Variants in ROBO2 observed in about 807,000 individuals in gnomAD.
ROBO2 encodes roundabout guidance receptor 2.
ROBO2 carries 53 observed loss-of-function variants against 160.8 expected under a neutral mutation model. The ratio of observed to expected loss-of-function variants is 0.33; its 90% CI spans 0.26 to 0.41. The LOEUF is 0.41. Ranked by LOEUF, ROBO2 falls within the 10% of genes least tolerant of loss-of-function variation. ROBO2 has a pLI of 1.00. For synonymous variants in ROBO2, 664 were observed against 611.7 expected (o/e 1.09, Z -1.26); for missense variants, 1,577 against 1,722.4 (o/e 0.92, Z 1.49).
chr3:76,286,702 G>A (rs1241841933), intron 2 of ROBO2, among the ~76,000 whole-genome samples: 1 of 152,126 alleles, frequency 6.6e-6, no homozygotes, highest in African/African-American at 2.4e-5. Context: ...GTTTTGGAAA[G>A]GTGCTGTAAA....
At chr3:76,858,734 A>G (rs544436725) in intron 2 of ROBO2, among the ~76,000 whole-genome samples, 53 of 152,346 alleles carry the variant, frequency 3.5e-4, no homozygotes, top group African/African-American at 1.2e-3. Context: ...AAATGATACA[A>G]TGCAAACAAT....
intron 2 of ROBO2, among the ~76,000 whole-genome samples, chr3:76,762,485 A>G (rs2061363012): frequency 6.6e-6 from 1 of 150,382 alleles, no homozygotes; most frequent in Non-Finnish European, 1.5e-5. Flanking sequence ...TGTTTCTGAG[A>G]AGCAAGTAAC....
At position 77,295,496 on chromosome 3, in the gene ROBO2, A is replaced by G. The variant is rs879746195; in HGVS notation, c.389-181918A>G. On this transcript the variant is annotated intron_variant, in intron 2 of 25. Coordinates refer to ENST00000461745, the Ensembl canonical transcript of ROBO2. ...TAAATGGGTAAGCTGAGGCTAGATC[A>G]CCCCAGACATAAAGTAAATTGACGG... Among the ~76,000 whole-genome samples, 132 of 150,724 alleles carry G rather than the reference A, an allele frequency of 8.8e-4. 1 individual carries two copies. The highest frequency in any genetic ancestry group is 1.4e-3 in the Non-Finnish European group (92 of 67,784).
intron 2 of ROBO2, among the ~76,000 whole-genome samples, chr3:77,177,298 C>T (rs534688313): frequency 6.6e-6 from 1 of 152,032 alleles, no homozygotes; most frequent in Non-Finnish European, 1.5e-5. Context: ...GAGAGCCTCT[C>T]TGCTTTAAAT....
intron 2 of ROBO2, among the ~76,000 whole-genome samples, chr3:76,487,572 C>T (rs898204744): frequency 3.3e-5 from 5 of 152,104 alleles, no homozygotes; most frequent in African/African-American, 1.2e-4. Flanking sequence ...ACGCCAAACA[C>T]CAGTAGTCAT....
chr3:77,301,571 A>G (rs573168198), intron 2 of ROBO2, among the ~76,000 whole-genome samples: 2 of 152,366 alleles, frequency 1.3e-5, no homozygotes, highest in South Asian at 2.1e-4. Flanking sequence ...CCTATCATAC[A>G]TATAGGTGTG....
chr3:77,607,535 A>T (rs531551948), intron 20 of ROBO2, among the ~76,000 whole-genome samples: 2 of 152,334 alleles, frequency 1.3e-5, no homozygotes, highest in African/African-American at 2.4e-5. Context: ...GACGGGAATA[A>T]ATCAATAAGC....
intron 2 of ROBO2, among the ~76,000 whole-genome samples, chr3:76,636,323 G>A (rs2090331194): frequency 6.6e-6 from 1 of 152,168 alleles, no homozygotes; most frequent in Non-Finnish European, 1.5e-5. Context: ...ATGTGCTGGT[G>A]AATAATATTG....
chr3:76,846,793 G>A (rs1013940740), intron 2 of ROBO2, among the ~76,000 whole-genome samples: 4 of 152,092 alleles, frequency 2.6e-5, no homozygotes, highest in African/African-American at 7.2e-5. Context: ...CAAAGCAGCC[G>A]ACTAAGATAG....
At chr3:76,109,814 C>G (rs1396400244) in intron 2 of ROBO2, among the ~76,000 whole-genome samples, 1 of 151,792 alleles carries the variant, frequency 6.6e-6, no homozygotes, top group East Asian at 1.9e-4. Flanking sequence ...TCCCTCATCC[C>G]TCTCCCACCC....
intron 2 of ROBO2, among the ~76,000 whole-genome samples, chr3:76,847,579 G>A (rs547822154): frequency 6.6e-6 from 1 of 152,206 alleles, no homozygotes; most frequent in African/African-American, 2.4e-5. Context: ...AGGAAGCCAG[G>A]AATTTAGATA....
At chr3:77,183,672 G>T (rs2081014577) in intron 2 of ROBO2, among the ~76,000 whole-genome samples, 1 of 151,878 alleles carries the variant, frequency 6.6e-6, no homozygotes. Flanking sequence ...TTGTGTTATG[G>T]CATCCCCAGC....
At chr3:77,355,596 C>G (rs916718471) in intron 2 of ROBO2, among the ~76,000 whole-genome samples, 2 of 151,864 alleles carry the variant, frequency 1.3e-5, no homozygotes, top group Non-Finnish European at 2.9e-5. Flanking sequence ...GCTAGTGATG[C>G]AGATATGAGT....
At chr3:76,001,303 G>GT (rs1559820629) in intron 2 of ROBO2, among the ~76,000 whole-genome samples, 1 of 151,986 alleles carries the variant, frequency 6.6e-6, no homozygotes, top group African/African-American at 2.4e-5. Context: ...ATTATACATT[G>GT]TTTTTTAAAT....
intron 2 of ROBO2, among the ~76,000 whole-genome samples, chr3:76,207,062 A>C (rs540986620): frequency 4.6e-5 from 7 of 152,210 alleles, no homozygotes; most frequent in Non-Finnish European, 1.5e-5. Flanking sequence ...TTCATAATTA[A>C]CTTTAGCTCA....
intron 2 of ROBO2, among the ~76,000 whole-genome samples, chr3:76,250,602 G>A (rs529765720): frequency 5.3e-5 from 8 of 152,152 alleles, no homozygotes; most frequent in African/African-American, 1.9e-4. Flanking sequence ...GCCTTGAACA[G>A]TTTCATATCC....
intron 2 of ROBO2, among the ~76,000 whole-genome samples, chr3:77,346,434 T>A (rs1381603679): frequency 6.6e-6 from 1 of 152,058 alleles, no homozygotes. Context: ...TTTAAAATAA[T>A]ACTTAGCAGT....
At chr3:76,216,612 C>G (rs1206025338) in intron 2 of ROBO2, among the ~76,000 whole-genome samples, 1 of 152,046 alleles carries the variant, frequency 6.6e-6, no homozygotes, top group Admixed American at 6.6e-5. Context: ...AGAGCTAACT[C>G]TCCTAAATAT....
chr3:76,410,663 T>C (rs1021874778), intron 2 of ROBO2, among the ~76,000 whole-genome samples: 1 of 152,174 alleles, frequency 6.6e-6, no homozygotes, highest in Non-Finnish European at 1.5e-5. Context: ...CACCCGATTA[T>C]GTAGAAGAAG....
Sources: allele counts gnomAD v4.1 joint callset (sites outside exome capture counted in the v4.1 genomes callset), GRCh38; gene constraint gnomAD v4.1.1; transcripts MANE v1.5; gene names NCBI Gene and HGNC (gene_info 2026-07-23, HGNC 2026-07-21).